TNS3: variants seen among roughly 807,000 people sequenced by gnomAD.
TNS3 encodes the protein tensin 3.
TNS3 carries 45 observed loss-of-function variants against 140.9 expected under a neutral mutation model. That is an observed-to-expected ratio of 0.32 (90% CI 0.25 to 0.41). The LOEUF (loss-of-function observed/expected upper bound fraction) is 0.41. Among genes scored for constraint, TNS3 ranks in the 10% least tolerant of loss-of-function variants. The pLI is 1.00. For missense variants in TNS3, 1,716 were observed against 1,906.7 expected (o/e 0.90, Z 1.86); for synonymous variants, 815 against 788.4 (o/e 1.03, Z -0.56).
chr7:47,567,613 G>C (rs1462502206), intron 1 of TNS3, among the ~76,000 whole-genome samples: 1 of 149,782 alleles, frequency 6.7e-6, no homozygotes, highest in Admixed American at 6.7e-5. Context: ...GAAGCTGGGA[G>C]ACGGAGCTTC....
At chr7:47,347,406 A>G (rs1217501220) in intron 17 of TNS3, among the ~76,000 whole-genome samples, 1 of 152,118 alleles carries the variant, frequency 6.6e-6, no homozygotes, top group Non-Finnish European at 1.5e-5. Context: ...AGGAATGCAA[A>G]GGTCGGCATG....
intron 4 of TNS3, among the ~76,000 whole-genome samples, chr7:47,474,750 ACACAACACACAAAG>A (rs1202441384): frequency 2.0e-5 from 3 of 149,412 alleles, no homozygotes; most frequent in Non-Finnish European, 4.5e-5. Context: ...TCAGCACAAC[ACACAACACACAAAG>A]CACAACACAC....
intron 2 of TNS3, among the ~76,000 whole-genome samples, chr7:47,513,460 C>A (rs780366279): frequency 6.6e-6 from 1 of 152,240 alleles, no homozygotes; most frequent in Non-Finnish European, 1.5e-5. Context: ...TAAGCCACCT[C>A]ACCACGCCCT....
At chr7:47,422,080 G>C (rs1794401859) in intron 10 of TNS3, among the ~76,000 whole-genome samples, 1 of 152,108 alleles carries the variant, frequency 6.6e-6, no homozygotes, top group Non-Finnish European at 1.5e-5. Flanking sequence ...CTTTCCTCCA[G>C]ATTTATCTTA....
chr7:47,564,630 C>T (rs1377782730), intron 1 of TNS3, among the ~76,000 whole-genome samples: 8 of 51,202 alleles, frequency 1.6e-4, no homozygotes, highest in South Asian at 8.8e-4. Context: ...AGCAAGACTC[C>T]GTCTCAAAAA....
At chr7:47,550,085 G>A (rs557052860) in intron 1 of TNS3, among the ~76,000 whole-genome samples, 8 of 147,570 alleles carry the variant, frequency 5.4e-5, no homozygotes, top group Middle Eastern at 3.4e-3. Context: ...TCTCCCCTGC[G>A]AGGCCTTCTC....
intron 4 of TNS3, among the ~76,000 whole-genome samples, chr7:47,478,585 T>C (rs1282064083): frequency 6.6e-6 from 1 of 152,152 alleles, no homozygotes; most frequent in African/African-American, 2.4e-5. Context: ...ACATACAAGA[T>C]ACATATATTC....
intron 20 of TNS3, among the ~76,000 whole-genome samples, chr7:47,306,141 A>C (rs1315803873): frequency 6.6e-6 from 1 of 152,232 alleles, no homozygotes; most frequent in East Asian, 1.9e-4. Context: ...TTTACTAAGA[A>C]TACTCTGAAA....
At chr7:47,463,991 T>C (rs1796597804) in intron 4 of TNS3, among the ~76,000 whole-genome samples, 1 of 152,272 alleles carries the variant, frequency 6.6e-6, no homozygotes, top group South Asian at 2.1e-4. Flanking sequence ...CTAACATTAT[T>C]AAAAGGGCCG....
chr7:47,332,991 C>T (rs577913213), intron 20 of TNS3, among the ~76,000 whole-genome samples: 1 of 152,208 alleles, frequency 6.6e-6, no homozygotes, highest in African/African-American at 2.4e-5. Flanking sequence ...TTCCTCTAAA[C>T]CCAAAGTGAG....
At chr7:47,579,485 T>A (rs1313586296) in intron 1 of TNS3, 1 of 152,198 alleles carries the variant, frequency 6.6e-6, no homozygotes, top group African/African-American at 2.4e-5. Flanking sequence ...ATTCTAAGCG[T>A]GCTGCTGAGG....
At chr7:47,405,747 G>T (rs1166172957) in intron 13 of TNS3, among the ~76,000 whole-genome samples, 1 of 152,270 alleles carries the variant, frequency 6.6e-6, no homozygotes, top group African/African-American at 2.4e-5. Flanking sequence ...CAGAGTCTCA[G>T]GAGAACACTT....
intron 3 of TNS3, among the ~76,000 whole-genome samples, chr7:47,491,369 G>A (rs1173253226): frequency 6.6e-6 from 1 of 152,204 alleles, no homozygotes; most frequent in Non-Finnish European, 1.5e-5. Flanking sequence ...TCTCCCAGCT[G>A]GCTCTGATGA....
chr7:47,426,182 T>G (rs949342032), intron 9 of TNS3, among the ~76,000 whole-genome samples: 1 of 152,084 alleles, frequency 6.6e-6, no homozygotes. Context: ...CTTGAGAGGC[T>G]GAGGCAGGAG....
intron 9 of TNS3, among the ~76,000 whole-genome samples, chr7:47,424,784 T>C (rs1032639880): frequency 1.8e-4 from 28 of 152,224 alleles, no homozygotes; most frequent in African/African-American, 6.7e-4. Context: ...GTTGGAAAGG[T>C]GTCTCAGGCC....
At chr7:47,449,964 G>C (rs781215121) in intron 4 of TNS3, among the ~76,000 whole-genome samples, 1 of 151,816 alleles carries the variant, frequency 6.6e-6, no homozygotes, top group African/African-American at 2.4e-5. Flanking sequence ...GTGAATTCTC[G>C]TCTGAGCTCT....
At chr7:47,330,154 G>A (rs1249986926) in intron 20 of TNS3, among the ~76,000 whole-genome samples, 2 of 152,104 alleles carry the variant, frequency 1.3e-5, no homozygotes, top group African/African-American at 2.4e-5. Flanking sequence ...CCCCGGGGAC[G>A]ACAGGACCTG....
At chr7:47,366,637 C>T (rs903656775) in intron 17 of TNS3, among the ~76,000 whole-genome samples, 13 of 152,196 alleles carry the variant, frequency 8.5e-5, no homozygotes, top group African/African-American at 2.9e-4. Context: ...TGAGTCGGGA[C>T]TGCAGTCCTC....
Position 47,292,850 on chromosome 7 carries a change from G to A in TNS3, c.3828C>T (p.Cys1276=), listed in dbSNP as rs1785788668. The change falls in exon 26 of 31, where the codon TGC becomes TGT. Residue 1276 remains cysteine, a synonymous_variant. Transcript: ENST00000311160. The part of the protein sequence containing the change: ...QHSITPLALP[C]KLLIPERDPL... ...TACCTCTCTCTGGGATAAGCAGCTT[G>A]CACGGCAAGGCCAAGGGCGTGATGG... 6.2e-7 allele frequency: 1 copy of A among 1,614,030 alleles called. No individual in the cohort carries two copies. Among genetic ancestry groups the A allele is most frequent in the Non-Finnish European group, 8.5e-7 (1 of 1,180,032 alleles).
Sources: gnomAD v4.1 joint callset for allele counts (sites outside exome capture counted in the v4.1 genomes callset) on GRCh38, gnomAD v4.1.1 for gene constraint, MANE v1.5 for transcripts, NCBI Gene and HGNC (gene_info 2026-07-23, HGNC 2026-07-21) for gene names.